Variants in FBXL20 observed in about 807,000 individuals in gnomAD.
FBXL20 encodes F-box and leucine rich repeat protein 20.
In FBXL20, 11 loss-of-function variants were observed where a neutral mutation model predicts 64.0. The observed-to-expected ratio is 0.17, with a 90% CI of 0.11 to 0.28. The LOEUF (loss-of-function observed/expected upper bound fraction) is 0.28, where lower values mean the gene tolerates loss of function less well. Ranked by LOEUF, FBXL20 falls within the 10% of genes least tolerant of loss-of-function variation. FBXL20 has a pLI of 1.00. For missense variants in FBXL20, 303 were observed against 526.2 expected (o/e 0.58, Z 4.15); for synonymous variants, 184 against 189.0 (o/e 0.97, Z 0.22).
chr17:39,261,668 A>C, intron 14 of FBXL20, 101 bp from the exon 15 acceptor site: 1 of 819,776 alleles, frequency 1.2e-6, no homozygotes, highest in African/African-American at 1.7e-5. Context: ...TGAACATAAA[A>C]GCAGGGCAAA....
chr17:39,337,444 C>T (rs1411489067), intron 2 of FBXL20, among the ~76,000 whole-genome samples: 1 of 151,890 alleles, frequency 6.6e-6, no homozygotes, highest in African/African-American at 2.4e-5. Flanking sequence ...TGCCTGGCAG[C>T]CCATCGTCTG....
chr17:39,268,942 G>A, intron 11 of FBXL20, 71 bp from the exon 12 acceptor site: 1 of 1,298,880 alleles, frequency 7.7e-7, no homozygotes, highest in Non-Finnish European at 1.1e-6. Context: ...TTTAAGGACA[G>A]AAAACTAAGA....
Position 39,358,367 on chromosome 17 carries a change from G to A in FBXL20, c.43-15126C>T, listed in dbSNP as rs554548540. ...AGAAATAATGTTTTACTAGCTATTCGGGCATCCCTTAGCCTTCTCAAGATG... is the reference window on the plus strand; with the variant it reads ...AGAAATAATGTTTTACTAGCTATTCAGGCATCCCTTAGCCTTCTCAAGATG... On this transcript the variant is annotated intron_variant, in intron 1 of 14. Transcript: ENST00000264658. Among the ~76,000 whole-genome samples, 11 of 152,210 alleles carry A rather than the reference G, an allele frequency of 7.2e-5. No individual in the cohort carries two copies. In the South Asian group the frequency reaches 2.1e-3, roughly 29 times the overall value.
intron 1 of FBXL20, among the ~76,000 whole-genome samples, chr17:39,381,954 CGTGGTGGCACACACCT>C (rs150068270): frequency 0.038 from 5,695 of 151,416 alleles, 139 homozygotes; most frequent in Non-Finnish European, 0.057. Flanking sequence ...ATTAGCTGGG[CGTGGTGGCACACACCT>C]GTAGTCCCAG....
chr17:39,346,829 C>T (rs979774042), intron 1 of FBXL20, among the ~76,000 whole-genome samples: 1 of 151,188 alleles, frequency 6.6e-6, no homozygotes, highest in African/African-American at 2.4e-5. Context: ...TCTCCTAATG[C>T]TATCTCTCCC....
intron 13 of FBXL20, 131 bp from the exon 14 acceptor site, chr17:39,264,518 G>A (rs1378051833): frequency 1.3e-5 from 12 of 911,152 alleles, no homozygotes; most frequent in Middle Eastern, 3.4e-4. Flanking sequence ...CTAGATCCAC[G>A]TGGTGAAATT....
chr17:39,326,697 G>A (rs552899516), intron 2 of FBXL20, among the ~76,000 whole-genome samples: 1 of 151,596 alleles, frequency 6.6e-6, no homozygotes, highest in East Asian at 2.0e-4. Flanking sequence ...ATACCTCACT[G>A]CAGCCTCAAA....
At chr17:39,293,900 ATC>A (rs1208002848) in intron 6 of FBXL20, among the ~76,000 whole-genome samples, 1 of 149,040 alleles carries the variant, frequency 6.7e-6, no homozygotes, top group Non-Finnish European at 1.5e-5. Context: ...TTGAATTCTG[ATC>A]TCTTTCTTTT....
chr17:39,307,659 A>G (rs571367899), intron 2 of FBXL20, among the ~76,000 whole-genome samples: 60 of 152,240 alleles, frequency 3.9e-4, no homozygotes, highest in Non-Finnish European at 6.5e-4. Context: ...AACTTCTGTT[A>G]GTCAAGGGCC....
chr17:39,380,150 C>T (rs1597831177), intron 1 of FBXL20, among the ~76,000 whole-genome samples: 1 of 152,174 alleles, frequency 6.6e-6, no homozygotes, highest in East Asian at 1.9e-4. Context: ...TCACAGTCTA[C>T]ACAAAACAAG....
chr17:39,308,575 T>C (rs1269826425), intron 2 of FBXL20, among the ~76,000 whole-genome samples: 1 of 151,642 alleles, frequency 6.6e-6, no homozygotes, highest in East Asian at 1.9e-4. Flanking sequence ...ATAATTTTTT[T>C]TTTTTTTGAG....
intron 6 of FBXL20, among the ~76,000 whole-genome samples, chr17:39,288,175 C>A (rs1384921215): frequency 6.6e-6 from 1 of 151,974 alleles, no homozygotes; most frequent in African/African-American, 2.4e-5. Flanking sequence ...CCAAGTTAGT[C>A]AGGCTGGTCT....
At chr17:39,303,544 T>C in intron 3 of FBXL20, 41 bp downstream of exon 3, 1 of 1,559,036 alleles carries the variant, frequency 6.4e-7, no homozygotes, top group Non-Finnish European at 8.7e-7. Flanking sequence ...ATCATCAGTA[T>C]GAAGAAGGGG....
intron 12 of FBXL20, among the ~76,000 whole-genome samples, chr17:39,267,307 G>GA (rs943768213): frequency 8.6e-5 from 13 of 151,162 alleles, no homozygotes; most frequent in African/African-American, 2.7e-4. Context: ...GTAACAGCAA[G>GA]AAAAAAAACA....
chr17:39,284,074 C>G (rs371103990), intron 7 of FBXL20, among the ~76,000 whole-genome samples: 1 of 152,172 alleles, frequency 6.6e-6, no homozygotes, highest in Admixed American at 6.6e-5. Flanking sequence ...TCCACAATAA[C>G]AGTTGACTGT....
intron 4 of FBXL20, among the ~76,000 whole-genome samples, chr17:39,300,399 G>A (rs1040633269): frequency 9.2e-5 from 14 of 152,088 alleles, no homozygotes; most frequent in Admixed American, 8.5e-4. Context: ...AGAAGGATAA[G>A]AAAAACAGGA....
intron 5 of FBXL20, among the ~76,000 whole-genome samples, chr17:39,297,819 T>C (rs1385894774): frequency 6.6e-6 from 1 of 152,132 alleles, no homozygotes; most frequent in Non-Finnish European, 1.5e-5. Flanking sequence ...CACTGCAGCC[T>C]CCACCTCCCA....
chr17:39,285,417 TA>T (rs1383825954), intron 7 of FBXL20, 60 bp downstream of exon 7: 9 of 1,144,846 alleles, frequency 7.9e-6, no homozygotes, highest in Admixed American at 2.5e-5. Flanking sequence ...TTATATCAAT[TA>T]TTTTTTTAAA....
At chr17:39,364,387 T>A (rs1321309289) in intron 1 of FBXL20, among the ~76,000 whole-genome samples, 1 of 151,922 alleles carries the variant, frequency 6.6e-6, no homozygotes, top group Non-Finnish European at 1.5e-5. Context: ...CCAAGGAGAG[T>A]GGATTGCTTG....
Sources: gnomAD v4.1 joint callset for allele counts (sites outside exome capture counted in the v4.1 genomes callset) on GRCh38, gnomAD v4.1.1 for gene constraint, MANE v1.5 for transcripts, NCBI Gene and HGNC (gene_info 2026-07-23, HGNC 2026-07-21) for gene names.